The following SLC28A1 variants were observed in gnomAD, a reference collection of about 807,000 sequenced individuals.
The protein encoded by SLC28A1 is sodium/nucleoside cotransporter 1.
SLC28A1 carries 64 observed loss-of-function variants against 74.8 expected under a neutral mutation model. The observed-to-expected ratio is 0.86, with a 90% confidence interval of 0.70 to 1.05. SLC28A1 has a LOEUF of 1.05. Ranked by LOEUF, SLC28A1 falls within the 50% of genes least tolerant of loss-of-function variation. The pLI, the probability that SLC28A1 is intolerant of heterozygous loss-of-function variation, is 0.00. For missense variants in SLC28A1, 828 were observed against 822.8 expected, an observed-to-expected ratio of 1.01 and a Z score of -0.08; for synonymous variants, 359 against 335.0, an observed-to-expected ratio of 1.07 and a Z score of -0.78.
At chr15:84,891,426 G>T (rs1322578905) in intron 5 of SLC28A1, among the ~76,000 whole-genome samples, 1 of 152,198 alleles carries the variant, frequency 6.6e-6, no homozygotes, top group Non-Finnish European at 1.5e-5. Flanking sequence ...TGCAGAGGGA[G>T]TCTTGGCAGG....
chr15:84,915,181 GGGA>G (rs1403396902), intron 9 of SLC28A1, among the ~76,000 whole-genome samples: 1 of 152,144 alleles, frequency 6.6e-6, no homozygotes, highest in African/African-American at 2.4e-5. Flanking sequence ...AGCCCCAGGC[GGGA>G]GGAGGAGTCA....
At chr15:84,966,870 C>A in the SLC28A1 span, among the ~76,000 whole-genome samples, 142 of 152,310 alleles carry the variant, frequency 9.3e-4, no homozygotes, top group African/African-American at 3.3e-3. Flanking sequence ...CACAACCAAA[C>A]CATATCACCA....
the SLC28A1 span, among the ~76,000 whole-genome samples, chr15:84,958,826 A>T: frequency 6.6e-6 from 1 of 151,824 alleles, no homozygotes; most frequent in African/African-American, 2.4e-5. Flanking sequence ...CTTGCTGGGC[A>T]TGGTGGCTCA....
the SLC28A1 span, among the ~76,000 whole-genome samples, chr15:84,962,403 G>C: frequency 6.6e-6 from 1 of 151,956 alleles, no homozygotes; most frequent in Non-Finnish European, 1.5e-5. Flanking sequence ...GACTCTGTAA[G>C]GTGTCCTGGA....
intron 10 of SLC28A1, among the ~76,000 whole-genome samples, chr15:84,919,085 C>T (rs4980345): frequency 0.14 from 21,388 of 152,142 alleles, 2,427 homozygotes; most frequent in East Asian, 0.52. Context: ...TAATGTGGTC[C>T]TTGCTAGAGG....
At chr15:84,886,463 TG>T in intron 1 of SLC28A1, 1 of 985,316 alleles carries the variant, frequency 1.0e-6, no homozygotes, top group Non-Finnish European at 1.2e-6. Flanking sequence ...GTTTGGGAAC[TG>T]GGGAGAGGGC....
the SLC28A1 span, among the ~76,000 whole-genome samples, chr15:84,951,941 G>A: frequency 2.0e-5 from 3 of 152,296 alleles, no homozygotes; most frequent in African/African-American, 7.2e-5. Context: ...AGAAGGCAAG[G>A]CGAGGCAAGG....
chr15:84,952,683 T>G, the SLC28A1 span, among the ~76,000 whole-genome samples: 1 of 152,120 alleles, frequency 6.6e-6, no homozygotes, highest in Non-Finnish European at 1.5e-5. Context: ...CCCGGGAGTT[T>G]GAGACCAGCC....
At chr15:84,908,575 T>A in intron 8 of SLC28A1, 143 bp from the exon 9 acceptor site, 3 of 713,292 alleles carry the variant, frequency 4.2e-6, no homozygotes, top group South Asian at 3.0e-5. Flanking sequence ...TTAACGCACC[T>A]TGCCAGGTGG....
intron 12 of SLC28A1, among the ~76,000 whole-genome samples, chr15:84,932,541 G>C (rs1178988835): frequency 6.6e-6 from 1 of 152,196 alleles, no homozygotes; most frequent in Admixed American, 6.5e-5. Flanking sequence ...GATGTGATGG[G>C]TTGGCTTGCA....
chr15:84,904,159 G>T lies in SLC28A1; in HGVS notation c.524G>T (p.Arg175Leu). 1 of 1,614,156 alleles carries T rather than the reference G, an allele frequency of 6.2e-7. No individual in the cohort carries two copies. The highest frequency in any genetic ancestry group is 8.5e-7 in the Non-Finnish European group (1 of 1,180,026). Residue 175 changes from arginine to leucine, a missense_variant, in exon 7 of 19, where the codon CGG becomes CTG. By Grantham distance (102) the Arg-to-Leu change is moderately radical. Transcript: ENST00000394573. ...VLWLSLDTSQRPEQLVSFAGI... is the reference protein window; with the variant it reads ...VLWLSLDTSQLPEQLVSFAGI... ...TGGCTGTCTCTGGACACCTCCCAGCGGCCTGAGCAACTGGTGTCCTTCGCA... is the reference window on the plus strand; with the variant it reads ...TGGCTGTCTCTGGACACCTCCCAGCTGCCTGAGCAACTGGTGTCCTTCGCA...
chr15:84,903,985 TCTC>T, intron 6 of SLC28A1, 109 bp from the exon 7 acceptor site: 2 of 1,420,606 alleles, frequency 1.4e-6, no homozygotes, highest in South Asian at 1.2e-5. Flanking sequence ...CTGTGCTGTT[TCTC>T]CTCCTCCCAG....
the SLC28A1 span, among the ~76,000 whole-genome samples, chr15:84,965,099 C>G: frequency 2.0e-5 from 3 of 152,300 alleles, no homozygotes; most frequent in South Asian, 2.1e-4. Context: ...TGGGAGGGAC[C>G]TGGTGGAAGG....
rs751808890 is a variant in SLC28A1, at chr15:84,935,346, C to T, written c.1409C>T (p.Pro470Leu). The change falls in exon 15 of 19, where the codon CCT becomes CTT. Residue 470 changes from proline (P) to leucine (L), a missense_variant. Pro to Leu is a moderately conservative substitution (Grantham distance 98). Around this residue, in one of 3 missense-constraint regions of SLC28A1, gnomAD observed 767 missense variants for 753.5 expected, o/e 1.02. Transcript: ENST00000394573. ...FQLICSYILR[P>L]VAFLMGVAWE... ...CTCATCTGCTCCTACATCCTGCGGC[C>T]TGTAGCCTTCTTGATGGGTGTGGCG... 3 of 1,614,132 alleles carry T rather than the reference C, an allele frequency of 1.9e-6. No homozygotes were observed. In the African/African-American group the frequency reaches 4.0e-5, roughly 22 times the overall value.
At chr15:84,955,350 C>T in the SLC28A1 span, among the ~76,000 whole-genome samples, 1 of 152,126 alleles carries the variant, frequency 6.6e-6, no homozygotes, top group Non-Finnish European at 1.5e-5. Flanking sequence ...CAACAGATAA[C>T]TGGAAGAGCC....
chr15:84,944,386 G>C (rs1329933514), intron 16 of SLC28A1, among the ~76,000 whole-genome samples, 180 bp from the exon 17 acceptor site: 1 of 152,208 alleles, frequency 6.6e-6, no homozygotes. Context: ...TTGCCTAGGG[G>C]TCCAAGCCAG....
intron 12 of SLC28A1, 122 bp downstream of exon 12, chr15:84,924,232 G>T: frequency 1.6e-6 from 2 of 1,231,610 alleles, no homozygotes; most frequent in Non-Finnish European, 2.4e-6. Flanking sequence ...TGCTGTGCTG[G>T]CAAGAGGAGT....
At chr15:84,920,818 A>G (rs147390115) in intron 10 of SLC28A1, among the ~76,000 whole-genome samples, 171 bp from the exon 11 acceptor site, 53 of 152,244 alleles carry the variant, frequency 3.5e-4, no homozygotes, top group African/African-American at 1.3e-3. Context: ...GCCCCCATCA[A>G]TGAAGGTGTG....
chr15:84,957,494 T>C, the SLC28A1 span, among the ~76,000 whole-genome samples: 1 of 152,230 alleles, frequency 6.6e-6, no homozygotes, highest in Non-Finnish European at 1.5e-5. Flanking sequence ...CTCAAACTCC[T>C]GGCCTCAAGT....
Sources: allele counts gnomAD v4.1 joint callset (sites outside exome capture counted in the v4.1 genomes callset), GRCh38; gene constraint gnomAD v4.1.1; regional missense constraint gnomAD v4.1.1; transcripts MANE v1.5; gene names NCBI Gene and HGNC (gene_info 2026-07-23, HGNC 2026-07-21).